PLCE1: variants seen among roughly 807,000 people sequenced by gnomAD.
PLCE1 encodes the protein 1-phosphatidylinositol 4,5-bisphosphate phosphodiesterase epsilon-1.
A neutral mutation model predicts 242.8 loss-of-function variants in PLCE1; 119 were observed. The observed-to-expected ratio is 0.49, with a 90% CI of 0.42 to 0.57. The LOEUF is 0.57. Ranked by LOEUF, PLCE1 falls within the 20% of genes least tolerant of loss-of-function variation. The probability of loss-of-function intolerance (pLI) is 0.00; values close to 1 mark genes in which losing one functional copy is unlikely to be tolerated. For missense variants in PLCE1, 2,441 were observed against 2,788.8 expected (o/e 0.88, Z 2.81); for synonymous variants, 945 against 1,017.4 (o/e 0.93, Z 1.35).
chr10:94,202,976 G>A (rs893206994), intron 4 of PLCE1, among the ~76,000 whole-genome samples: 2 of 152,232 alleles, frequency 1.3e-5, no homozygotes, highest in Middle Eastern at 3.4e-3. Flanking sequence ...TTCAATAGTC[G>A]CTCTAACCTG....
intron 2 of PLCE1, among the ~76,000 whole-genome samples, chr10:94,071,616 A>G (rs2044362712): frequency 6.9e-6 from 1 of 145,336 alleles, no homozygotes; most frequent in South Asian, 2.2e-4. Context: ...CCCGCTACTC[A>G]TCCTCCCCAG....
At chr10:94,168,773 A>G (rs1195068685) in intron 3 of PLCE1, among the ~76,000 whole-genome samples, 1 of 152,132 alleles carries the variant, frequency 6.6e-6, no homozygotes, top group Non-Finnish European at 1.5e-5. Context: ...TCCTCTGCAG[A>G]GTGCTATAGT....
At position 94,246,050 on chromosome 10, in the gene PLCE1, G is replaced by A. The variant is rs748533923; in HGVS notation, c.2525G>A (p.Gly842Glu). 1 of 1,614,076 alleles carries A rather than the reference G, an allele frequency of 6.2e-7. No homozygotes were observed. The highest frequency in any genetic ancestry group is 2.2e-5 in the East Asian group (1 of 44,870). Residue 842 changes from glycine to glutamate, a missense_variant, in exon 8 of 33, where the codon GGG (glycine) becomes GAG (glutamate). Physicochemically the swap from Gly to Glu is moderately conservative, Grantham distance 98. Around this residue, in one of 5 missense-constraint regions of PLCE1, gnomAD observed 733 missense variants for 754.2 expected, o/e 0.97. Coordinates refer to ENST00000371380, the MANE Select transcript of PLCE1 (RefSeq NM_016341.4). Reference sequence around the variant, plus strand: ...GACTCACAGAAGGCCTTCGACCATGGGACGGAGCTCATCCCTTGGTACGTG... The same window carrying A: ...GACTCACAGAAGGCCTTCGACCATGAGACGGAGCTCATCCCTTGGTACGTG... Reference protein sequence around the residue: ...SEDSQKAFDHGTELIPWYVLS... With the variant: ...SEDSQKAFDHETELIPWYVLS...
chr10:94,016,866 A>T (rs1021441024), intron 1 of PLCE1, among the ~76,000 whole-genome samples: 1 of 152,198 alleles, frequency 6.6e-6, no homozygotes. Flanking sequence ...CTTTGGCCAA[A>T]GCTTGCTTTG....
At chr10:94,074,405 A>G (rs1459725594) in intron 2 of PLCE1, among the ~76,000 whole-genome samples, 2 of 151,952 alleles carry the variant, frequency 1.3e-5, no homozygotes, top group African/African-American at 4.8e-5. Context: ...GGGTCTCCCT[A>G]TGTTGCCCAG....
chr10:94,089,310 C>T, intron 2 of PLCE1: 1 of 1,613,948 alleles, frequency 6.2e-7, no homozygotes, highest in African/African-American at 1.3e-5. Flanking sequence ...TCTTCCCGCT[C>T]TCTGAGGTAC....
chr10:94,231,266 T>C, intron 5 of PLCE1, among the ~76,000 whole-genome samples: 1 of 152,198 alleles, frequency 6.6e-6, no homozygotes, highest in East Asian at 1.9e-4. Context: ...ACTCACACAA[T>C]AAGAAACCAG....
chr10:94,101,445 A>G (rs1332340115), intron 2 of PLCE1, among the ~76,000 whole-genome samples: 1 of 152,248 alleles, frequency 6.6e-6, no homozygotes, highest in Non-Finnish European at 1.5e-5. Context: ...TTAAGAAGAG[A>G]CATCTTTGAT....
chr10:94,068,347 C>T (rs2044254425), intron 2 of PLCE1, among the ~76,000 whole-genome samples: 1 of 152,070 alleles, frequency 6.6e-6, no homozygotes, highest in South Asian at 2.1e-4. Context: ...GTTATGCATC[C>T]TCGGATTCAA....
rs1371382813 is a variant in PLCE1 at position 94,283,999 on chromosome 10, C to G, written c.4917+88C>G. 1.4e-5 allele frequency: 21 copies of G among 1,468,136 alleles called. No homozygotes were observed. The Admixed American group carries it at 3.3e-4, about 23-fold the overall frequency. 90.9% of individuals were successfully genotyped at this position (1,468,136 alleles called of 1,614,324 possible). A position where few individuals can be genotyped will look rare whatever the true frequency, so the allele number is the denominator to read the frequency against. ...GAGATTCCACTTGCTCCCTGTCCCT[C>G]CCTTTCACCTTTCCCCTCACTTTCC... is the stretch of plus-strand genomic sequence containing the variant. On this transcript the variant is annotated intron_variant, in intron 21 of 32. Coordinates refer to ENST00000371380, the MANE Select transcript of PLCE1 (RefSeq NM_016341.4).
At chr10:94,223,158 A>T (rs1306508882) in intron 4 of PLCE1, among the ~76,000 whole-genome samples, 1 of 149,112 alleles carries the variant, frequency 6.7e-6, no homozygotes, top group African/African-American at 2.5e-5. Context: ...AATGCTATGG[A>T]AGCGGAAGCG....
chr10:94,218,669 T>G, intron 4 of PLCE1, among the ~76,000 whole-genome samples: 1 of 151,964 alleles, frequency 6.6e-6, no homozygotes, highest in East Asian at 1.9e-4. Context: ...CCCACCCTCA[T>G]GCCTAGCATA....
intron 3 of PLCE1, among the ~76,000 whole-genome samples, chr10:94,168,682 T>C (rs2047884322): frequency 6.6e-6 from 1 of 152,222 alleles, no homozygotes; most frequent in African/African-American, 2.4e-5. Flanking sequence ...CCATATGACA[T>C]CTTATCTTAC....
At position 94,040,740 on chromosome 10, in the gene PLCE1, T is replaced by C. The variant is rs2061750386; in HGVS notation, c.1206+8488T>C. ...GAATACCATCTTCCTAGTTCAGGAA[T>C]GACCTTGACTGAACCCTCAGGTACA... On this transcript the variant is annotated intron_variant, in intron 2 of 32. Transcript: ENST00000371380. Among the ~76,000 whole-genome samples, 5 of 152,172 alleles carry C rather than the reference T, an allele frequency of 3.3e-5. 1 individual carries two copies. Among genetic ancestry groups the C allele is most frequent in the Admixed American group, 1.3e-4 (2 of 15,270 alleles).
At chr10:94,180,391 A>G (rs1251303886) in intron 4 of PLCE1, among the ~76,000 whole-genome samples, 2 of 152,178 alleles carry the variant, frequency 1.3e-5, no homozygotes, top group Non-Finnish European at 2.9e-5. Flanking sequence ...ATGTCTGAGA[A>G]TATTAGAGCA....
chr10:94,145,100 C>G (rs765139725), intron 3 of PLCE1, among the ~76,000 whole-genome samples: 4 of 152,204 alleles, frequency 2.6e-5, no homozygotes, highest in Non-Finnish European at 5.9e-5. Flanking sequence ...CCCATGGGCA[C>G]CACCCCTTCC....
At chr10:94,198,922 C>T (rs183198353) in intron 4 of PLCE1, among the ~76,000 whole-genome samples, 53 of 152,192 alleles carry the variant, frequency 3.5e-4, no homozygotes, top group East Asian at 2.9e-3. Flanking sequence ...CATGGTGGCA[C>T]GCACCTGTAG....
intron 2 of PLCE1, among the ~76,000 whole-genome samples, chr10:94,098,460 T>TA (rs1044742666): frequency 2.0e-5 from 3 of 152,174 alleles, no homozygotes; most frequent in Non-Finnish European, 4.4e-5. Flanking sequence ...AGAGACTTCA[T>TA]AAAAAAGAGA....
At chr10:94,094,414 G>C (rs1218366103) in intron 2 of PLCE1, among the ~76,000 whole-genome samples, 1 of 152,166 alleles carries the variant, frequency 6.6e-6, no homozygotes, top group Non-Finnish European at 1.5e-5. Flanking sequence ...AATTGCCTCT[G>C]TTTGAGAACC....
Sources: allele counts gnomAD v4.1 joint callset (sites outside exome capture counted in the v4.1 genomes callset), GRCh38; gene constraint gnomAD v4.1.1; regional missense constraint gnomAD v4.1.1; transcripts MANE v1.5; gene names NCBI Gene and HGNC (gene_info 2026-07-23, HGNC 2026-07-21).